GSE1: variants seen among roughly 807,000 people sequenced by gnomAD.
GSE1 encodes genetic suppressor element 1.
Under a neutral mutation model 112.6 loss-of-function variants are expected in GSE1, and 32 were observed. The ratio of observed to expected loss-of-function variants is 0.28; its 90% CI spans 0.21 to 0.38. GSE1 has a LOEUF of 0.38. GSE1 is among the 10% of genes least tolerant of loss of function. The pLI is 1.00. For missense variants in GSE1, 2,348 were observed against 1,699.2 expected (o/e 1.38, Z -6.71); for synonymous variants, 1,115 against 735.6 (o/e 1.52, Z -8.35).
intron 1 of GSE1, among the ~76,000 whole-genome samples, chr16:85,268,241 G>GTGGT (rs539877854): frequency 0.019 from 1,155 of 60,104 alleles, 20 homozygotes; most frequent in African/African-American, 0.097. Flanking sequence ...TGTGGCACAA[G>GTGGT]GGTTCTATAG....
intron 2 of GSE1, among the ~76,000 whole-genome samples, chr16:85,437,052 G>A (rs1447488383): frequency 6.6e-6 from 1 of 152,250 alleles, no homozygotes; most frequent in Non-Finnish European, 1.5e-5. Context: ...GCAGATGGCG[G>A]GGGCGGGGGC....
At chr16:85,413,165 C>T (rs994231760) in intron 2 of GSE1, among the ~76,000 whole-genome samples, 3 of 152,230 alleles carry the variant, frequency 2.0e-5, no homozygotes, top group Non-Finnish European at 4.4e-5. Context: ...CTGCAACAAG[C>T]ACGTGGAAGT....
At chr16:85,303,957 G>A (rs769853877) in intron 1 of GSE1, among the ~76,000 whole-genome samples, 9 of 152,346 alleles carry the variant, frequency 5.9e-5, no homozygotes, top group African/African-American at 1.9e-4. Context: ...GGCTGCTTGC[G>A]AAGACAGCGG....
chr16:85,457,504 TC>T (rs1180539270), intron 2 of GSE1, among the ~76,000 whole-genome samples: 1 of 152,216 alleles, frequency 6.6e-6, no homozygotes, highest in Non-Finnish European at 1.5e-5. Context: ...ACAGTCTCCC[TC>T]GTGGTGATGA....
intron 1 of GSE1, among the ~76,000 whole-genome samples, chr16:85,572,665 G>T (rs2151339149): frequency 6.6e-6 from 1 of 152,308 alleles, no homozygotes; most frequent in Middle Eastern, 3.4e-3. Flanking sequence ...ACCCAGCAGG[G>T]GCTGCTCCGG....
intron 1 of GSE1, among the ~76,000 whole-genome samples, chr16:85,622,814 A>G (rs765373915): frequency 5.9e-5 from 9 of 152,048 alleles, no homozygotes; most frequent in Non-Finnish European, 8.8e-5. Context: ...TTTCTGTTAC[A>G]CCCTCATGGA....
chr16:85,304,601 C>CT (rs1555557422), intron 1 of GSE1, among the ~76,000 whole-genome samples: 1 of 78,180 alleles, frequency 1.3e-5, no homozygotes, highest in African/African-American at 4.5e-5. Context: ...AAGCCGGGGG[C>CT]GGGGGGGTGG....
chr16:85,344,016 G>A (rs2046679709), intron 1 of GSE1, among the ~76,000 whole-genome samples: 1 of 152,188 alleles, frequency 6.6e-6, no homozygotes, highest in African/African-American at 2.4e-5. Flanking sequence ...CCAGGAACAT[G>A]GCTCCTTACA....
intron 1 of GSE1, among the ~76,000 whole-genome samples, chr16:85,320,485 G>A (rs527478291): frequency 3.6e-4 from 47 of 129,546 alleles, no homozygotes; most frequent in Middle Eastern, 3.9e-3. Flanking sequence ...TGTAGAAATG[G>A]AGTCTCTCTA....
chr16:85,617,157 C>A lies in GSE1; in HGVS notation c.7+3759C>A, dbSNP rs376905104. ...AAGCCCACCTGTCACTGAGGCCAGT[C>A]CACCTGCCCCTCCTAACCTGATGCC... On this transcript the variant is annotated intron_variant, in intron 1 of 15. Transcript: ENST00000253458. Among the ~76,000 whole-genome samples, 5 of 152,354 alleles carry A rather than the reference C, an allele frequency of 3.3e-5. No individual in the cohort carries two copies. The East Asian group carries it at 9.6e-4, about 29-fold the overall frequency.
chr16:85,298,618 G>A (rs2045432136), intron 1 of GSE1, among the ~76,000 whole-genome samples: 1 of 152,088 alleles, frequency 6.6e-6, no homozygotes, highest in Non-Finnish European at 1.5e-5. Flanking sequence ...TTAGAGATGG[G>A]GTTTCACCAT....
At chr16:85,306,049 C>G (rs1409719989) in intron 1 of GSE1, among the ~76,000 whole-genome samples, 1 of 152,018 alleles carries the variant, frequency 6.6e-6, no homozygotes, top group African/African-American at 2.4e-5. Context: ...CTAGATCGTG[C>G]CACTGCACTC....
chr16:85,339,375 G>A (rs1228621536), intron 1 of GSE1, among the ~76,000 whole-genome samples: 4 of 152,116 alleles, frequency 2.6e-5, no homozygotes, highest in African/African-American at 4.8e-5. Flanking sequence ...TGATTTCTCC[G>A]GACAAATGGC....
chr16:85,176,185 C>T (rs530330692), intron 1 of GSE1, among the ~76,000 whole-genome samples: 2 of 152,332 alleles, frequency 1.3e-5, no homozygotes, highest in East Asian at 3.9e-4. Context: ...GACTCTGTTG[C>T]CCTGGCTGAT....
chr16:85,382,397 AG>A, intron 2 of GSE1, among the ~76,000 whole-genome samples: 1 of 152,328 alleles, frequency 6.6e-6, no homozygotes, highest in Admixed American at 6.5e-5. Flanking sequence ...GCCCTGGACG[AG>A]GGCTCCTCTG....
intron 1 of GSE1, chr16:85,185,230 G>A (rs71386898): frequency 0.064 from 9,778 of 152,300 alleles, 511 homozygotes; most frequent in South Asian, 0.22. Flanking sequence ...GGTCTCTGAG[G>A]TTCGGAGAGG....
At chr16:85,435,949 A>G (rs1341042055) in intron 2 of GSE1, among the ~76,000 whole-genome samples, 2 of 151,952 alleles carry the variant, frequency 1.3e-5, no homozygotes, top group Non-Finnish European at 2.9e-5. Flanking sequence ...CCATGTAGTC[A>G]CCCCAGAAGG....
chr16:85,465,394 T>C (rs1244632079), intron 2 of GSE1, among the ~76,000 whole-genome samples: 2 of 152,178 alleles, frequency 1.3e-5, no homozygotes, highest in Non-Finnish European at 2.9e-5. Context: ...CCATCTGGGT[T>C]CTCCTTCATT....
At chr16:85,486,309 G>GCA (rs1301722063) in intron 2 of GSE1, among the ~76,000 whole-genome samples, 1 of 77,360 alleles carries the variant, frequency 1.3e-5, no homozygotes, top group Non-Finnish European at 2.3e-5. Context: ...ACACACGTAC[G>GCA]CACACTCCTG....
Sources: allele counts gnomAD v4.1 joint callset (sites outside exome capture counted in the v4.1 genomes callset), GRCh38; gene constraint gnomAD v4.1.1; transcripts MANE v1.5; gene names NCBI Gene and HGNC (gene_info 2026-07-23, HGNC 2026-07-21).